The following DENND4C variants were observed in gnomAD, a reference collection of about 807,000 sequenced individuals.
DENND4C encodes DENN domain-containing protein 4C.
In DENND4C, 108 loss-of-function variants were observed where a neutral mutation model predicts 203.0. The observed-to-expected ratio is 0.53, with a 90% confidence interval of 0.46 to 0.62. The LOEUF (loss-of-function observed/expected upper bound fraction) is 0.62, where lower values mean the gene tolerates loss of function less well. Ranked by LOEUF, DENND4C falls within the 20% of genes least tolerant of loss-of-function variation. DENND4C has a pLI of 0.00. For synonymous variants in DENND4C, 871 were observed against 792.4 expected (o/e 1.10, Z -1.67); for missense variants, 2,481 against 2,301.2 (o/e 1.08, Z -1.60).
At chr9:19,334,522 T>G (rs962924178) in intron 17 of DENND4C, among the ~76,000 whole-genome samples, 18 of 151,594 alleles carry the variant, frequency 1.2e-4, no homozygotes, top group Admixed American at 2.0e-4. Context: ...TTTGGGTTTT[T>G]TTTTTTTTTT....
intron 9 of DENND4C, among the ~76,000 whole-genome samples, chr9:19,301,178 C>CAA (rs576219374): frequency 8.9e-6 from 1 of 112,452 alleles, no homozygotes. Flanking sequence ...AACTCCGTCT[C>CAA]AAAAAAAAAA....
At chr9:19,252,043 A>G (rs1271153502) in intron 1 of DENND4C, among the ~76,000 whole-genome samples, 1 of 152,128 alleles carries the variant, frequency 6.6e-6, no homozygotes, top group Non-Finnish European at 1.5e-5. Flanking sequence ...AATTTACTGT[A>G]TTAGTCTGTT....
rs1563841575 is a variant in DENND4C, at chr9:19,360,502, C to A, written c.5406+13C>A. On this transcript the variant is annotated intron_variant, in intron 29 of 32. Transcript: ENST00000434457. ...TGAAGGTGTACAGGTAGGGTGCCAA[C>A]TTTTATACTTACATTAGTATTCAGT... is the stretch of plus-strand genomic sequence containing the variant. The A allele has an allele frequency of 1.2e-6, 2 of 1,613,878 alleles. No homozygotes were observed. Among genetic ancestry groups the A allele is most frequent in the Non-Finnish European group, 1.7e-6 (2 of 1,179,938 alleles).
intron 1 of DENND4C, among the ~76,000 whole-genome samples, chr9:19,272,724 A>G (rs1216663472): frequency 1.3e-5 from 2 of 152,072 alleles, no homozygotes; most frequent in Non-Finnish European, 1.5e-5. Context: ...TGTGGGGGAA[A>G]TGTTTTCTTT....
At chr9:19,344,552 T>TG (rs1375367795) in intron 22 of DENND4C, among the ~76,000 whole-genome samples, 1 of 152,060 alleles carries the variant, frequency 6.6e-6, no homozygotes, top group Non-Finnish European at 1.5e-5. Flanking sequence ...TGGAGTGTAG[T>TG]GGCACAGTCA....
intron 5 of DENND4C, among the ~76,000 whole-genome samples, chr9:19,295,341 T>G (rs1837218490): frequency 6.6e-6 from 1 of 152,068 alleles, no homozygotes; most frequent in Non-Finnish European, 1.5e-5. Flanking sequence ...CTGTCTCTAC[T>G]AAAAATACAA....
intron 12 of DENND4C, among the ~76,000 whole-genome samples, chr9:19,318,898 G>T (rs1350203538): frequency 1.3e-5 from 2 of 152,192 alleles, no homozygotes. Context: ...GCCAGGTGCA[G>T]TGGCTTATGC....
intron 2 of DENND4C, among the ~76,000 whole-genome samples, chr9:19,280,150 C>CTTCCTCCG (rs1182826700): frequency 6.6e-6 from 1 of 151,806 alleles, no homozygotes; most frequent in Non-Finnish European, 1.5e-5. Context: ...GCCTTCCTCC[C>CTTCCTCCG]TTCCTCCCTT....
At chr9:19,251,694 C>T (rs1027074033) in intron 1 of DENND4C, among the ~76,000 whole-genome samples, 1 of 152,192 alleles carries the variant, frequency 6.6e-6, no homozygotes, top group African/African-American at 2.4e-5. Flanking sequence ...TACCCTAAAT[C>T]ATCTCTCTCA....
At chr9:19,322,596 C>T (rs952660815) in intron 12 of DENND4C, among the ~76,000 whole-genome samples, 6 of 151,788 alleles carry the variant, frequency 4.0e-5, no homozygotes, top group Non-Finnish European at 7.4e-5. Context: ...ATTAGCCAGG[C>T]GTGGTGGCGG....
intron 2 of DENND4C, among the ~76,000 whole-genome samples, chr9:19,283,634 A>G (rs1226312258): frequency 7.5e-6 from 1 of 134,044 alleles, no homozygotes; most frequent in African/African-American, 2.8e-5. Context: ...TTTTTGAGAC[A>G]GAGTTTCGTT....
chr9:19,367,112 G>A (rs7875740), intron 30 of DENND4C, among the ~76,000 whole-genome samples: 28,240 of 152,190 alleles, frequency 0.19, 4,573 homozygotes, highest in African/African-American at 0.44. Context: ...AGCACTAGCT[G>A]TCAAGGATAT....
intron 1 of DENND4C, among the ~76,000 whole-genome samples, chr9:19,236,377 C>A (rs975755202): frequency 2.6e-5 from 4 of 152,114 alleles, no homozygotes; most frequent in Admixed American, 6.5e-5. Flanking sequence ...TAAAAACTTA[C>A]AACTTGCTGT....
intron 24 of DENND4C, 29 bp from the exon 25 acceptor site, chr9:19,352,044 A>T: frequency 1.3e-6 from 2 of 1,572,634 alleles, no homozygotes; most frequent in South Asian, 1.1e-5. Flanking sequence ...TTCCTTACTT[A>T]AGGTATTACG....
intron 20 of DENND4C, chr9:19,337,818 C>A: frequency 2.9e-6 from 1 of 344,980 alleles, no homozygotes; most frequent in Non-Finnish European, 5.4e-6. Flanking sequence ...CATATATAGA[C>A]TCTTGAAAAT....
At chr9:19,363,547 A>C (rs1175645729) in intron 30 of DENND4C, among the ~76,000 whole-genome samples, 2 of 151,960 alleles carry the variant, frequency 1.3e-5, no homozygotes, top group Non-Finnish European at 2.9e-5. Context: ...TTATGTCCTC[A>C]TGTAACCTTA....
intron 2 of DENND4C, among the ~76,000 whole-genome samples, chr9:19,279,750 G>A (rs1833654928): frequency 1.3e-5 from 2 of 152,050 alleles, no homozygotes; most frequent in African/African-American, 2.4e-5. Context: ...AGAAGGCTGA[G>A]GTGGGAGGAT....
At chr9:19,312,462 T>C (rs982212582) in intron 10 of DENND4C, among the ~76,000 whole-genome samples, 9 of 152,220 alleles carry the variant, frequency 5.9e-5, no homozygotes, top group Non-Finnish European at 1.0e-4. Flanking sequence ...TGCTGCTACT[T>C]GTGCAAAAGA....
intron 1 of DENND4C, among the ~76,000 whole-genome samples, chr9:19,253,715 T>G (rs2131639716): frequency 6.6e-6 from 1 of 152,348 alleles, no homozygotes; most frequent in South Asian, 2.1e-4. Flanking sequence ...TGAACTGCAT[T>G]TAGTTTTTTT....
Sources: allele counts gnomAD v4.1 joint callset (sites outside exome capture counted in the v4.1 genomes callset), GRCh38; gene constraint gnomAD v4.1.1; transcripts MANE v1.5; gene names NCBI Gene and HGNC (gene_info 2026-07-23, HGNC 2026-07-21).